The following ZNF892 variants were observed in gnomAD, a reference collection of about 807,000 sequenced individuals.
ZNF892 encodes zinc finger protein 570-like.
At chr2:95,253,765 A>G in the ZNF892 span, among the ~76,000 whole-genome samples, 4 of 152,136 alleles carry the variant, frequency 2.6e-5, no homozygotes, top group Non-Finnish European at 5.9e-5. Flanking sequence ...TTCATTGTGC[A>G]GTGGTTTGTA....
the ZNF892 span, among the ~76,000 whole-genome samples, chr2:95,248,347 G>A: frequency 0.79 from 119,563 of 152,038 alleles, 47,309 homozygotes; most frequent in African/African-American, 0.84. Flanking sequence ...GGAGGAGTAA[G>A]TGGGGAGAGA....
chr2:95,220,854 T>C, the ZNF892 span, among the ~76,000 whole-genome samples: 2 of 152,212 alleles, frequency 1.3e-5, no homozygotes, highest in Non-Finnish European at 2.9e-5. Flanking sequence ...ACTAAGAATA[T>C]AAACTATAGG....
the ZNF892 span, among the ~76,000 whole-genome samples, chr2:95,223,358 C>G: frequency 6.6e-6 from 1 of 152,098 alleles, no homozygotes; most frequent in African/African-American, 2.4e-5. Context: ...TTTCTTTAAA[C>G]ATAAGAATAC....
At chr2:95,246,545 T>C in the ZNF892 span, among the ~76,000 whole-genome samples, 2 of 152,190 alleles carry the variant, frequency 1.3e-5, no homozygotes, top group African/African-American at 4.8e-5. Context: ...ATAAAGGGTA[T>C]TCAAATAGGA....
the ZNF892 span, among the ~76,000 whole-genome samples, chr2:95,206,486 A>G: frequency 6.6e-6 from 1 of 152,254 alleles, no homozygotes; most frequent in Non-Finnish European, 1.5e-5. Flanking sequence ...CTCAAATGCA[A>G]TAATTCTACA....
chr2:95,206,569 C>G, the ZNF892 span, among the ~76,000 whole-genome samples: 3 of 152,276 alleles, frequency 2.0e-5, no homozygotes, highest in Admixed American at 2.0e-4. Context: ...CAAACGGTTA[C>G]AAGAAGAGCA....
chr2:95,218,167 C>T, the ZNF892 span, among the ~76,000 whole-genome samples: 1 of 152,156 alleles, frequency 6.6e-6, no homozygotes, highest in Non-Finnish European at 1.5e-5. Context: ...GTTGTTAAGC[C>T]ACACTCTTAG....
chr2:95,238,293 C>CT, the ZNF892 span, among the ~76,000 whole-genome samples: 2 of 152,194 alleles, frequency 1.3e-5, no homozygotes, highest in African/African-American at 4.8e-5. Context: ...TCCTAGGGCC[C>CT]TTAAGCATTG....
chr2:95,220,869 CA>C, the ZNF892 span, among the ~76,000 whole-genome samples: 2 of 152,166 alleles, frequency 1.3e-5, no homozygotes, highest in African/African-American at 2.4e-5. Flanking sequence ...TATAGGGTTA[CA>C]TTTTTTTATT....
the ZNF892 span, among the ~76,000 whole-genome samples, chr2:95,230,131 C>T: frequency 6.6e-6 from 1 of 152,078 alleles, no homozygotes; most frequent in Non-Finnish European, 1.5e-5. Flanking sequence ...GAAAACCAAA[C>T]ATTGTATGTT....
the ZNF892 span, chr2:95,214,819 T>C: frequency 8.4e-6 from 4 of 476,502 alleles, no homozygotes; most frequent in African/African-American, 4.0e-5. Context: ...AGCCAGAGCA[T>C]ACACCTTACT....
chr2:95,209,066 G>T, the ZNF892 span, among the ~76,000 whole-genome samples: 1 of 152,150 alleles, frequency 6.6e-6, no homozygotes, highest in African/African-American at 2.4e-5. Flanking sequence ...AGTTAAACAC[G>T]AAGAAATAGG....
the ZNF892 span, among the ~76,000 whole-genome samples, chr2:95,207,332 G>A: frequency 3.9e-5 from 6 of 152,338 alleles, no homozygotes; most frequent in African/African-American, 1.4e-4. Context: ...AGTCGGCACC[G>A]AGGGAGGAGC....
At chr2:95,208,466 CAG>C in the ZNF892 span, among the ~76,000 whole-genome samples, 1 of 152,142 alleles carries the variant, frequency 6.6e-6, no homozygotes, top group African/African-American at 2.4e-5. Context: ...AGTTTAAGGA[CAG>C]AGAATAGGAG....
At chr2:95,260,621 C>A in the ZNF892 span, among the ~76,000 whole-genome samples, 1 of 152,182 alleles carries the variant, frequency 6.6e-6, no homozygotes, top group Non-Finnish European at 1.5e-5. Context: ...GAAACCTTGA[C>A]AACAAAGCCA....
the ZNF892 span, among the ~76,000 whole-genome samples, chr2:95,227,103 C>T: frequency 1.8e-4 from 25 of 137,254 alleles, no homozygotes; most frequent in Admixed American, 3.6e-4. Context: ...CTCCTCCCTC[C>T]CCTCCCCTCC....
chr2:95,258,404 G>A, the ZNF892 span, among the ~76,000 whole-genome samples: 2 of 152,184 alleles, frequency 1.3e-5, no homozygotes, highest in African/African-American at 2.4e-5. Flanking sequence ...TGGAGCAAGG[G>A]TTGGGGGCTA....
chr2:95,240,158 A>G, the ZNF892 span, among the ~76,000 whole-genome samples: 1 of 151,670 alleles, frequency 6.6e-6, no homozygotes, highest in Non-Finnish European at 1.5e-5. Flanking sequence ...GGTTTTGGGG[A>G]GGAGCAAAGA....
the ZNF892 span, among the ~76,000 whole-genome samples, chr2:95,262,350 CT>C: frequency 6.6e-6 from 1 of 152,334 alleles, no homozygotes; most frequent in Middle Eastern, 3.4e-3. Flanking sequence ...TCTACACTCC[CT>C]TCTCCCTGAG....
Sources: gnomAD v4.1 joint callset for allele counts (sites outside exome capture counted in the v4.1 genomes callset) on GRCh38, gnomAD v4.1.1 for gene constraint, MANE v1.5 for transcripts, NCBI Gene and HGNC (gene_info 2026-07-23, HGNC 2026-07-21) for gene names.